PRKD1: variants seen among roughly 807,000 people sequenced by gnomAD.
PRKD1 encodes serine/threonine-protein kinase D1.
A neutral mutation model predicts 95.9 loss-of-function variants in PRKD1; 63 were observed. The ratio of observed to expected loss-of-function variants is 0.66; its 90% CI spans 0.54 to 0.81. The LOEUF (loss-of-function observed/expected upper bound fraction) is 0.81, where lower values mean the gene tolerates loss of function less well. Ranked by LOEUF, PRKD1 falls within the 30% of genes least tolerant of loss-of-function variation. The pLI is 0.00. For synonymous variants in PRKD1, 425 were observed against 423.1 expected, an observed-to-expected ratio of 1.00 and a Z score of -0.05; for missense variants, 1,048 against 1,165.3, an observed-to-expected ratio of 0.90 and a Z score of 1.47.
At chr14:29,713,695 T>G (rs1025920905) in intron 2 of PRKD1, among the ~76,000 whole-genome samples, 1 of 152,174 alleles carries the variant, frequency 6.6e-6, no homozygotes. Flanking sequence ...ATCATAATAC[T>G]GCATTGCTCT....
chr14:29,810,122 T>C (rs974865775), intron 1 of PRKD1, among the ~76,000 whole-genome samples: 1 of 152,172 alleles, frequency 6.6e-6, no homozygotes, highest in Non-Finnish European at 1.5e-5. Flanking sequence ...CAATTTTTGG[T>C]ATATCAAAAC....
intron 1 of PRKD1, among the ~76,000 whole-genome samples, chr14:29,833,321 T>C (rs563450026): frequency 3.3e-5 from 5 of 152,106 alleles, no homozygotes; most frequent in Non-Finnish European, 5.9e-5. Flanking sequence ...TTTCTTTCAA[T>C]ATAAGATAAT....
intron 16 of PRKD1, among the ~76,000 whole-genome samples, chr14:29,583,673 T>G (rs557809358): frequency 1.3e-5 from 2 of 150,330 alleles, no homozygotes; most frequent in East Asian, 2.1e-4. Flanking sequence ...CAACCGGGCA[T>G]GTGGGAAGTC....
chr14:29,713,663 G>A (rs1415110365), intron 2 of PRKD1, among the ~76,000 whole-genome samples: 1 of 152,036 alleles, frequency 6.6e-6, no homozygotes, highest in Non-Finnish European at 1.5e-5. Context: ...TTCATAAATG[G>A]TACAAATAGT....
chr14:29,908,742 T>C (rs1187007749), intron 1 of PRKD1, among the ~76,000 whole-genome samples: 1 of 152,148 alleles, frequency 6.6e-6, no homozygotes, highest in Non-Finnish European at 1.5e-5. Flanking sequence ...CACTAGAAAG[T>C]GGTGTCATGA....
intron 3 of PRKD1, among the ~76,000 whole-genome samples, chr14:29,664,789 C>A (rs1305369720): frequency 1.3e-5 from 2 of 152,134 alleles, no homozygotes; most frequent in Non-Finnish European, 2.9e-5. Context: ...TTGTGCAGTT[C>A]AAAGTGTTCT....
chr14:29,608,264 T>G (rs571404385), intron 13 of PRKD1, among the ~76,000 whole-genome samples: 8 of 152,084 alleles, frequency 5.3e-5, no homozygotes, highest in Admixed American at 2.0e-4. Flanking sequence ...TCATTTCAAA[T>G]AATACAAATT....
intron 1 of PRKD1, among the ~76,000 whole-genome samples, chr14:29,856,308 A>G (rs1892498555): frequency 6.6e-6 from 1 of 152,204 alleles, no homozygotes; most frequent in African/African-American, 2.4e-5. Context: ...ACCACTGCCA[A>G]TTCCCCAATC....
intron 1 of PRKD1, among the ~76,000 whole-genome samples, chr14:29,819,759 T>C (rs561225314): frequency 5.7e-4 from 87 of 152,304 alleles, no homozygotes; most frequent in Admixed American, 1.6e-3. Context: ...GTAAAATGTT[T>C]AGATGAATCT....
intron 2 of PRKD1, among the ~76,000 whole-genome samples, chr14:29,717,639 AC>A (rs1322800618): frequency 1.3e-5 from 2 of 152,140 alleles, no homozygotes; most frequent in African/African-American, 4.8e-5. Context: ...TTGTTATGTT[AC>A]CATCACTATT....
intron 1 of PRKD1, among the ~76,000 whole-genome samples, chr14:29,924,741 C>T (rs1009109619): frequency 6.6e-6 from 1 of 152,078 alleles, no homozygotes; most frequent in Middle Eastern, 3.2e-3. Context: ...TCATAGCTGA[C>T]GTCCTCATAA....
intron 13 of PRKD1, among the ~76,000 whole-genome samples, chr14:29,604,069 C>T (rs1039871039): frequency 2.6e-5 from 4 of 152,032 alleles, no homozygotes; most frequent in African/African-American, 7.2e-5. Flanking sequence ...AAATTAGTCA[C>T]TAGAATCAAA....
intron 1 of PRKD1, among the ~76,000 whole-genome samples, chr14:29,770,265 T>C (rs1395230332): frequency 2.0e-5 from 3 of 152,220 alleles, no homozygotes; most frequent in Admixed American, 2.0e-4. Context: ...TACCAAGAAG[T>C]GGTGTTGCTA....
At chr14:29,658,477 T>C (rs1018981627) in intron 4 of PRKD1, among the ~76,000 whole-genome samples, 4 of 152,116 alleles carry the variant, frequency 2.6e-5, no homozygotes, top group Non-Finnish European at 5.9e-5. Context: ...CTAATCTTAT[T>C]TGACCAATTT....
At chr14:29,587,229 G>T (rs1170555313) in intron 16 of PRKD1, among the ~76,000 whole-genome samples, 2 of 152,076 alleles carry the variant, frequency 1.3e-5, no homozygotes, top group African/African-American at 4.8e-5. Flanking sequence ...ATGAAATTGT[G>T]TATTTTCCAT....
intron 1 of PRKD1, among the ~76,000 whole-genome samples, chr14:29,731,728 T>C (rs1180606455): frequency 6.6e-6 from 1 of 152,170 alleles, no homozygotes; most frequent in Non-Finnish European, 1.5e-5. Context: ...TTCATGAACA[T>C]ATAACCATTT....
chr14:29,615,632 T>A (rs1167072837), intron 13 of PRKD1, among the ~76,000 whole-genome samples: 1 of 152,224 alleles, frequency 6.6e-6, no homozygotes, highest in East Asian at 1.9e-4. Context: ...CTTCCTCCAC[T>A]GTGCTTCCAC....
rs151138880 is a variant in PRKD1, at chr14:29,794,751, T to C, written c.265-69077A>G. ...TATCAGTCTGTCTGGTGACTAAGTCTTCGCTGCTGTATTTTATTTTGAATT... is the reference window on the plus strand; with the variant it reads ...TATCAGTCTGTCTGGTGACTAAGTCCTCGCTGCTGTATTTTATTTTGAATT... On this transcript the variant is annotated intron_variant, in intron 1 of 17. Coordinates refer to ENST00000331968, the MANE Select transcript of PRKD1 (RefSeq NM_002742.3). Among the ~76,000 whole-genome samples, 13 of 152,144 alleles carry C rather than the reference T, an allele frequency of 8.5e-5. No homozygotes were observed. In the East Asian group the frequency reaches 2.5e-3, roughly 29 times the overall value.
At chr14:29,926,156 C>T (rs1403078204) in intron 1 of PRKD1, among the ~76,000 whole-genome samples, 5 of 152,196 alleles carry the variant, frequency 3.3e-5, no homozygotes. Context: ...CTCAGTGCTG[C>T]AATTCACAAC....
Sources: gnomAD v4.1 joint callset for allele counts (sites outside exome capture counted in the v4.1 genomes callset) on GRCh38, gnomAD v4.1.1 for gene constraint, MANE v1.5 for transcripts, NCBI Gene and HGNC (gene_info 2026-07-23, HGNC 2026-07-21) for gene names.